OTOP2: variants seen among roughly 807,000 people sequenced by gnomAD.
OTOP2 encodes the protein otopetrin 2.
OTOP2 carries 41 observed loss-of-function variants against 47.4 expected under a neutral mutation model. The observed-to-expected ratio is 0.87, with a 90% CI of 0.67 to 1.12. The LOEUF (loss-of-function observed/expected upper bound fraction) is 1.12, where lower values mean the gene tolerates loss of function less well. Ranked by LOEUF, OTOP2 falls within the 50% of genes most tolerant of loss-of-function variation. OTOP2 has a pLI of 0.00. For missense variants in OTOP2, 721 were observed against 752.2 expected (o/e 0.96, Z 0.49); for synonymous variants, 328 against 319.6 (o/e 1.03, Z -0.28).
chr17:74,928,351 TA>T (rs113874583), intron 5 of OTOP2, among the ~76,000 whole-genome samples: 5,404 of 149,564 alleles, frequency 0.036, 287 homozygotes, highest in African/African-American at 0.12. Context: ...TTTCAAAAAT[TA>T]AAAAAAAAGA....
intron 2 of OTOP2, 72 bp downstream of exon 2, chr17:74,925,017 T>C: frequency 6.9e-7 from 1 of 1,452,418 alleles, no homozygotes; most frequent in Non-Finnish European, 9.1e-7. Context: ...TCGCAGGAGT[T>C]GCAGAGTGCA....
intron 6 of OTOP2, among the ~76,000 whole-genome samples, chr17:74,931,634 C>T (rs946714603): frequency 7.2e-5 from 11 of 152,164 alleles, no homozygotes; most frequent in Admixed American, 3.3e-4. Context: ...CAGCCACCCC[C>T]TCCCTAGTGA....
chr17:74,932,265 C>T (rs1229767439), intron 6 of OTOP2, among the ~76,000 whole-genome samples: 1 of 152,150 alleles, frequency 6.6e-6, no homozygotes, highest in South Asian at 2.1e-4. Context: ...TAGAAAATTA[C>T]TTAATGTGGG....
chr17:74,933,469 A>C lies in OTOP2; in HGVS notation c.1613A>C (p.Asn538Thr). ...TACTCCCTCTGGGCGGTCATCGTCA[A>C]CATCTGCCTCCCTTTCGGCATCTTC... ...YGYSLWAVIV[N>T]ICLPFGIFYR... is the part of the protein sequence containing the mutation. The change falls in exon 7 of 7, where the codon AAC becomes ACC. Residue 538 changes from asparagine to threonine, a missense_variant. Coordinates refer to ENST00000331427, the MANE Select transcript of OTOP2 (RefSeq NM_178160.3). This position sits in a 1 kb window ranked among gnomAD's most constrained non-coding sequence, Gnocchi z 4.7. 1 of 1,614,190 alleles carries C rather than the reference A, an allele frequency of 6.2e-7. No individual in the cohort carries two copies. The highest frequency in any genetic ancestry group is 8.5e-7 in the Non-Finnish European group (1 of 1,180,010).
rs1313573373 is a variant in OTOP2, at chr17:74,925,602, C to T, written c.360C>T (p.Phe120=). 6.2e-7 allele frequency: 1 copy of T among 1,614,190 alleles called. No individual in the cohort carries two copies. Among genetic ancestry groups the T allele is most frequent in the Non-Finnish European group, 8.5e-7 (1 of 1,180,028 alleles). The change falls in exon 3 of 7, where the codon TTC becomes TTT. Residue 120 remains phenylalanine (F), a synonymous_variant. Transcript: ENST00000331427. Reference sequence around the variant, plus strand: ...TCTGCACCCTCATCATGGATGTCTTCAAGACCGGCTACTACTCCAGTTTCT... The same window carrying T: ...TCTGCACCCTCATCATGGATGTCTTTAAGACCGGCTACTACTCCAGTTTCT... ...FGICTLIMDV[F]KTGYYSSFFE...
Position 74,933,580 on chromosome 17 carries a change from G to A in OTOP2, c.*35G>A. On this transcript the variant is annotated 3_prime_UTR_variant, in exon 7 of 7. Transcript: ENST00000331427. This position sits in a 1 kb window ranked among gnomAD's most constrained non-coding sequence, Gnocchi z 4.7. ...CAGAGGCATGGGGGGCAGGAAGAGG[G>A]GGCTCAGCTCATGTGCCCACTCAGA... The A allele has an allele frequency of 5.8e-6, 9 of 1,552,430 alleles. No homozygotes were observed. Among genetic ancestry groups the A allele is most frequent in the Non-Finnish European group, 7.9e-6 (9 of 1,138,560 alleles).
chr17:74,931,020 C>T lies in OTOP2; in HGVS notation c.1385C>T (p.Pro462Leu), dbSNP rs138035314. The T allele has an allele frequency of 1.2e-6, 2 of 1,614,212 alleles. No homozygotes were observed. Among genetic ancestry groups the T allele is most frequent in the Admixed American group, 3.3e-5 (2 of 60,016 alleles). ...DALHTLSACP[P>L]NPGLVSPSPS... is the part of the protein sequence containing the mutation. ...CTCCACACGTTGTCCGCCTGCCCACCCAACCCCGGGCTGGTTAGCCCCAGC... is the reference window on the plus strand; with the variant it reads ...CTCCACACGTTGTCCGCCTGCCCACTCAACCCCGGGCTGGTTAGCCCCAGC... The change falls in exon 6 of 7, where the codon CCC becomes CTC. Residue 462 changes from proline to leucine, a missense_variant. Coordinates refer to ENST00000331427, the MANE Select transcript of OTOP2 (RefSeq NM_178160.3).
intron 3 of OTOP2, 70 bp from the exon 4 acceptor site, chr17:74,927,153 T>C: frequency 2.9e-6 from 4 of 1,377,216 alleles, no homozygotes; most frequent in Non-Finnish European, 4.1e-6. Flanking sequence ...CAAGATGGCA[T>C]GGACTTGGGT....
rs1186511378 is a variant in OTOP2, at chr17:74,925,639, T to G, written c.397T>G (p.Ser133Ala). ...CTACTCCAGTTTCTTTGAGTGCCAG[T>G]CAGCCATCAAGATCCTGCACCCCCT... ...GYYSSFFECQ[S>A]AIKILHPLIQ... Residue 133 changes from serine to alanine, a missense_variant, in exon 3 of 7, where the codon TCA becomes GCA. Coordinates refer to ENST00000331427, the MANE Select transcript of OTOP2 (RefSeq NM_178160.3). 1.2e-6 allele frequency: 2 copies of G among 1,614,082 alleles called. No homozygotes were observed. Among genetic ancestry groups the G allele is most frequent in the Non-Finnish European group, 8.5e-7 (1 of 1,180,034 alleles).
intron 4 of OTOP2, 156 bp downstream of exon 4, chr17:74,927,437 C>A: frequency 9.5e-7 from 1 of 1,053,276 alleles, no homozygotes; most frequent in Non-Finnish European, 1.4e-6. Context: ...CTTCCACTAC[C>A]TTGTGGGGCC....
chr17:74,925,405 A>C (rs938771267), intron 2 of OTOP2, 151 bp from the exon 3 acceptor site: 15 of 887,406 alleles, frequency 1.7e-5, no homozygotes, highest in African/African-American at 1.0e-4. Flanking sequence ...CTGTCCTCCC[A>C]CCCTCCCCAT....
chr17:74,927,259 C>G lies in OTOP2; in HGVS notation c.487C>G (p.His163Asp). 6.2e-7 allele frequency: 1 copy of G among 1,613,570 alleles called. No homozygotes were observed. Among genetic ancestry groups the G allele is most frequent in the Non-Finnish European group, 8.5e-7 (1 of 1,179,592 alleles). Reference protein sequence around the residue: ...FLWVSAKDCVHVHLDLTWCGL... With the variant: ...FLWVSAKDCVDVHLDLTWCGL... ...CTGGGTCTCTGCTAAAGACTGCGTT[C>G]ACGTCCACCTGGATCTGACCTGGTG... Residue 163 changes from histidine (H) to aspartate (D), a missense_variant, in exon 4 of 7, where the codon CAC becomes GAC. By Grantham distance (81) the His-to-Asp change is moderately conservative. Transcript: ENST00000331427.
Position 74,930,906 on chromosome 17 carries a change from G to C in OTOP2, c.1271G>C (p.Ser424Thr), listed in dbSNP as rs2039051525. ...TTCCAGAACATGTTTATCATCGAGA[G>C]CCTTCACCGAGGACCGCCCGGGGCT... ...HTFQNMFIIESLHRGPPGAEP... is the reference protein window; with the variant it reads ...HTFQNMFIIETLHRGPPGAEP... The change falls in exon 6 of 7, where the codon AGC (serine) becomes ACC (threonine). Residue 424 changes from serine to threonine, a missense_variant. Coordinates refer to ENST00000331427, the MANE Select transcript of OTOP2 (RefSeq NM_178160.3). This position sits in a 1 kb window ranked among gnomAD's most constrained non-coding sequence, Gnocchi z 4.0. 6.2e-7 allele frequency: 1 copy of C among 1,613,900 alleles called. No individual in the cohort carries two copies. The highest frequency in any genetic ancestry group is 1.3e-5 in the African/African-American group (1 of 74,856).
chr17:74,925,958 G>T (rs764921431), intron 3 of OTOP2, among the ~76,000 whole-genome samples: 1 of 152,202 alleles, frequency 6.6e-6, no homozygotes, highest in East Asian at 1.9e-4. Context: ...CACCTAGGAG[G>T]TGTGAGTTGT....
At chr17:74,925,478 G>A in intron 2 of OTOP2, 78 bp from the exon 3 acceptor site, 2 of 1,570,892 alleles carry the variant, frequency 1.3e-6, no homozygotes, top group Non-Finnish European at 1.7e-6. Flanking sequence ...CCATCCTCAG[G>A]GCCTGTCCTC....
In OTOP2 at chr17:74,930,249, T is replaced by C. The variant is rs778726814; in HGVS notation, c.644-30T>C. The C allele has an allele frequency of 6.9e-6, 11 of 1,585,236 alleles. No homozygotes were observed. Among genetic ancestry groups the C allele is most frequent in the African/African-American group, 1.3e-5 (1 of 74,238 alleles). The stretch of plus-strand genomic sequence containing the variant: ...GACCTCTCTAGGAAGGCAGGAGGGC[T>C]GTCCAGCCCTGTGTCTCTCTCCACA... On this transcript the variant is annotated intron_variant, in intron 5 of 6. Coordinates refer to ENST00000331427, the MANE Select transcript of OTOP2 (RefSeq NM_178160.3). This position sits in a 1 kb window ranked among gnomAD's most constrained non-coding sequence, Gnocchi z 4.0.
Position 74,930,385 on chromosome 17 carries a change from C to T in OTOP2, c.750C>T (p.Tyr250=), listed in dbSNP as rs1387528893. 6.2e-7 allele frequency: 1 copy of T among 1,614,182 alleles called. No individual in the cohort carries two copies. Among genetic ancestry groups the T allele is most frequent in the Middle Eastern group, 1.6e-4 (1 of 6,062 alleles). ...ACCTATATCCCTTCAACATCGAGTA[C>T]AGCCTCTTCGCCTCCACCATGCTGT... ...YFYLYPFNIE[Y]SLFASTMLYV... is the part of the protein sequence containing the mutation. The change falls in exon 6 of 7, where the codon TAC becomes TAT. Residue 250 remains tyrosine (Y), a synonymous_variant. Transcript: ENST00000331427. The surrounding 1 kb of genome is among the most constrained non-coding windows in gnomAD (Gnocchi z 4.0).
Position 74,924,823 on chromosome 17 carries a change from C to T in OTOP2, c.191C>T (p.Ala64Val), listed in dbSNP as rs772425018. The T allele has an allele frequency of 1.9e-6, 3 of 1,611,260 alleles. No homozygotes were observed. Among genetic ancestry groups the T allele is most frequent in the Non-Finnish European group, 2.5e-6 (3 of 1,178,992 alleles). ...GCCGTGTACGACACCGACGTGTTCG[C>T]GCTGCTCACTGCGATGATGCTGCTG... ...KVAVYDTDVF[A>V]LLTAMMLLAT... Residue 64 changes from alanine (A) to valine (V), a missense_variant, in exon 2 of 7, where the codon GCG becomes GTG. Coordinates refer to ENST00000331427, the MANE Select transcript of OTOP2 (RefSeq NM_178160.3). The surrounding 1 kb of genome is among the most constrained non-coding windows in gnomAD (Gnocchi z 7.7).
chr17:74,930,325 G>A lies in OTOP2; in HGVS notation c.690G>A (p.Thr230=), dbSNP rs116847146. Residue 230 remains threonine, a synonymous_variant, in exon 6 of 7, where the codon ACG becomes ACA. Transcript: ENST00000331427. This position sits in a 1 kb window ranked among gnomAD's most constrained non-coding sequence, Gnocchi z 4.0. Reference sequence around the variant, plus strand: ...GAGGAGACTCCTGCCTCTGCAGCACGGCCGTCTGCCAGATCTTCCAGCAGG... The same window carrying A: ...GAGGAGACTCCTGCCTCTGCAGCACAGCCGTCTGCCAGATCTTCCAGCAGG... ...PVGGDSCLCS[T]AVCQIFQQGY... 2.1e-3 allele frequency: 3,409 copies of A among 1,614,038 alleles called. 36 individuals carry two copies. The East Asian group carries it at 0.033, about 16-fold the overall frequency.
Sources: gnomAD v4.1 joint callset for allele counts (sites outside exome capture counted in the v4.1 genomes callset) on GRCh38, gnomAD v4.1.1 for gene constraint, Gnocchi (gnomAD v3.1) non-coding constraint, MANE v1.5 for transcripts, NCBI Gene and HGNC (gene_info 2026-07-23, HGNC 2026-07-21) for gene names.